Variants in KCNMA1 observed in about 807,000 individuals in gnomAD.
KCNMA1 encodes the protein potassium calcium-activated channel subfamily M alpha 1.
Under a neutral mutation model 140.0 loss-of-function variants are expected in KCNMA1, and 29 were observed. The ratio of observed to expected loss-of-function variants is 0.21; its 90% CI spans 0.15 to 0.28. The LOEUF is 0.28. Ranked by LOEUF, KCNMA1 falls within the 10% of genes least tolerant of loss-of-function variation. The probability of loss-of-function intolerance (pLI) is 1.00; values close to 1 mark genes in which losing one functional copy is unlikely to be tolerated. For synonymous variants in KCNMA1, 612 were observed against 611.9 expected, an observed-to-expected ratio of 1.00 and a Z score of 0.00; for missense variants, 880 against 1,602.2, an observed-to-expected ratio of 0.55 and a Z score of 7.70.
intron 2 of KCNMA1, among the ~76,000 whole-genome samples, chr10:77,314,408 A>C (rs1292692352): frequency 6.6e-6 from 1 of 152,230 alleles, no homozygotes; most frequent in Non-Finnish European, 1.5e-5. Context: ...TTCCTAGATC[A>C]AAACACCCAT....
chr10:77,289,602 G>A (rs961638041), intron 2 of KCNMA1, among the ~76,000 whole-genome samples: 2 of 152,192 alleles, frequency 1.3e-5, no homozygotes, highest in African/African-American at 4.8e-5. Flanking sequence ...CATAAAGGAT[G>A]TATATTTGCT....
At chr10:77,608,354 C>T (rs1246828987) in intron 1 of KCNMA1, among the ~76,000 whole-genome samples, 1 of 151,960 alleles carries the variant, frequency 6.6e-6, no homozygotes, top group Non-Finnish European at 1.5e-5. Flanking sequence ...TTGTATTTTT[C>T]GTAGAGATGG....
intron 5 of KCNMA1, among the ~76,000 whole-genome samples, chr10:77,135,729 C>T (rs1289608028): frequency 2.0e-5 from 3 of 152,096 alleles, no homozygotes; most frequent in Non-Finnish European, 4.4e-5. Flanking sequence ...GTTAAATAAG[C>T]CATGCACAGA....
At chr10:77,035,186 G>A (rs2094233914) in intron 15 of KCNMA1, among the ~76,000 whole-genome samples, 1 of 152,218 alleles carries the variant, frequency 6.6e-6, no homozygotes. Flanking sequence ...CCTAGGTGTT[G>A]AGAGAGCTCC....
chr10:77,008,368 G>A (rs1217719149), intron 18 of KCNMA1, among the ~76,000 whole-genome samples: 4 of 152,092 alleles, frequency 2.6e-5, no homozygotes, highest in Non-Finnish European at 5.9e-5. Context: ...TTAGAGTCTG[G>A]GGGAAGAAAT....
At chr10:77,475,304 G>A (rs1274618604) in intron 1 of KCNMA1, among the ~76,000 whole-genome samples, 2 of 152,198 alleles carry the variant, frequency 1.3e-5, no homozygotes, top group Non-Finnish European at 2.9e-5. Context: ...CCCTGGGCAA[G>A]GCAAGGTGGG....
chr10:77,283,798 A>G (rs1300256143), intron 2 of KCNMA1, among the ~76,000 whole-genome samples: 2 of 152,224 alleles, frequency 1.3e-5, no homozygotes, highest in Non-Finnish European at 2.9e-5. Context: ...GGAGACAGGT[A>G]TCCATTCATA....
intron 2 of KCNMA1, among the ~76,000 whole-genome samples, chr10:77,318,634 T>C (rs1168041262): frequency 6.6e-6 from 1 of 152,164 alleles, no homozygotes; most frequent in African/African-American, 2.4e-5. Flanking sequence ...GTTTGATAAA[T>C]AAATGAATTG....
intron 21 of KCNMA1, among the ~76,000 whole-genome samples, chr10:76,951,065 G>T (rs1477959348): frequency 2.0e-5 from 3 of 152,144 alleles, no homozygotes; most frequent in Non-Finnish European, 4.4e-5. Flanking sequence ...CAGGTCACCT[G>T]GGAGGCTAGC....
intron 9 of KCNMA1, among the ~76,000 whole-genome samples, chr10:77,105,329 T>G (rs1285203305): frequency 1.3e-5 from 2 of 152,180 alleles, no homozygotes; most frequent in Non-Finnish European, 2.9e-5. Flanking sequence ...GAAAATGAAA[T>G]GCCAATGAAA....
intron 2 of KCNMA1, among the ~76,000 whole-genome samples, chr10:77,286,217 A>T (rs1452096896): frequency 6.6e-6 from 1 of 152,178 alleles, no homozygotes; most frequent in Non-Finnish European, 1.5e-5. Flanking sequence ...CTATAACTAG[A>T]AGGTAATTCT....
intron 19 of KCNMA1, among the ~76,000 whole-genome samples, chr10:76,984,439 C>A (rs1373626530): frequency 6.6e-6 from 1 of 152,160 alleles, no homozygotes; most frequent in African/African-American, 2.4e-5. Context: ...ATCTGCCCGC[C>A]TCAGCCTCCC....
At chr10:76,897,371 A>G (rs2043035079) in intron 25 of KCNMA1, among the ~76,000 whole-genome samples, 1 of 152,000 alleles carries the variant, frequency 6.6e-6, no homozygotes, top group Admixed American at 6.6e-5. Flanking sequence ...TAAATGGAGA[A>G]TAAAAATGAC....
chr10:77,124,669 T>C (rs78803712), intron 5 of KCNMA1, among the ~76,000 whole-genome samples: 95 of 152,280 alleles, frequency 6.2e-4, no homozygotes, highest in African/African-American at 2.3e-3. Context: ...TACTGGGCAT[T>C]TTTATGGCAC....
At chr10:77,175,096 G>A (rs143226380) in intron 5 of KCNMA1, among the ~76,000 whole-genome samples, 3 of 152,176 alleles carry the variant, frequency 2.0e-5, no homozygotes, top group East Asian at 3.9e-4. Context: ...GCTCCAACTC[G>A]CGGTTTCTGA....
intron 1 of KCNMA1, among the ~76,000 whole-genome samples, chr10:77,523,203 G>C (rs1331426614): frequency 7.0e-6 from 1 of 142,558 alleles, no homozygotes; most frequent in African/African-American, 2.6e-5. Flanking sequence ...CCTTGGACGT[G>C]CCCCCCCCCC....
intron 1 of KCNMA1, among the ~76,000 whole-genome samples, chr10:77,537,326 A>T (rs1162112086): frequency 6.6e-6 from 1 of 152,146 alleles, no homozygotes; most frequent in African/African-American, 2.4e-5. Context: ...CAGGGGACAC[A>T]TTCTTCAGCC....
At chr10:77,556,802 C>G (rs1377523372) in intron 1 of KCNMA1, among the ~76,000 whole-genome samples, 1 of 152,082 alleles carries the variant, frequency 6.6e-6, no homozygotes, top group Non-Finnish European at 1.5e-5. Flanking sequence ...GTGGTGCACA[C>G]CTGTGAGTCA....
intron 1 of KCNMA1, among the ~76,000 whole-genome samples, chr10:77,420,027 G>A (rs2096833994): frequency 6.6e-6 from 1 of 152,234 alleles, no homozygotes; most frequent in Admixed American, 6.5e-5. Flanking sequence ...CATAGAGAGG[G>A]GAATGTGATT....
Sources: gnomAD v4.1 joint callset for allele counts (sites outside exome capture counted in the v4.1 genomes callset) on GRCh38, gnomAD v4.1.1 for gene constraint, MANE v1.5 for transcripts, NCBI Gene and HGNC (gene_info 2026-07-23, HGNC 2026-07-21) for gene names.